DLGAP2: variants seen among roughly 807,000 people sequenced by gnomAD.
DLGAP2 encodes DLG associated protein 2.
Under a neutral mutation model 100.3 loss-of-function variants are expected in DLGAP2, and 26 were observed. The ratio of observed to expected loss-of-function variants is 0.26; its 90% CI spans 0.19 to 0.36. DLGAP2 has a LOEUF of 0.36. DLGAP2 is among the 10% of genes least tolerant of loss of function. The probability of loss-of-function intolerance (pLI) is 1.00; values close to 1 mark genes in which losing one functional copy is unlikely to be tolerated. For missense variants in DLGAP2, 1,858 were observed against 1,453.2 expected (o/e 1.28, Z -4.53); for synonymous variants, 886 against 630.1 (o/e 1.41, Z -6.08).
At chr8:1,496,432 C>A (rs1200173926) in intron 3 of DLGAP2, among the ~76,000 whole-genome samples, 2 of 152,128 alleles carry the variant, frequency 1.3e-5, no homozygotes, top group African/African-American at 4.8e-5. Flanking sequence ...GATGATGCAG[C>A]CACCTGGGCC....
intron 2 of DLGAP2, among the ~76,000 whole-genome samples, chr8:1,128,180 C>T (rs2129048664): frequency 6.6e-6 from 1 of 151,882 alleles, no homozygotes; most frequent in Middle Eastern, 3.4e-3. Context: ...TCCGTGAGGA[C>T]CTGCTCCCCG....
rs187240315 is a variant in DLGAP2 at position 1,407,375 on chromosome 8, T to C, written c.107-93991T>C. Among the ~76,000 whole-genome samples the C allele has an allele frequency of 1.9e-3, 160 of 85,064 alleles. 6 individuals carry two copies. Among genetic ancestry groups the C allele is most frequent in the African/African-American group, 3.3e-3 (66 of 19,750 alleles). The allele number at this position is 85,064 out of a possible 152,430, so 55.8% of individuals were successfully genotyped here. Reference sequence around the variant, plus strand: ...GAGAACTTACTGAGCGCTCCCTCCTTGTCCTCCGGAGTCCTGTATTGAGTG... The same window carrying C: ...GAGAACTTACTGAGCGCTCCCTCCTCGTCCTCCGGAGTCCTGTATTGAGTG... On this transcript the variant is annotated intron_variant, in intron 3 of 14. Transcript: ENST00000637795.
At chr8:1,171,613 A>T (rs1183742655) in intron 2 of DLGAP2, among the ~76,000 whole-genome samples, 2 of 152,114 alleles carry the variant, frequency 1.3e-5, no homozygotes, top group East Asian at 3.9e-4. Context: ...CTTCTTGTTG[A>T]ATTGATCCCT....
intron 3 of DLGAP2, among the ~76,000 whole-genome samples, chr8:1,423,224 A>T (rs1797147365): frequency 1.3e-5 from 2 of 152,126 alleles, no homozygotes; most frequent in Admixed American, 6.5e-5. Flanking sequence ...TTTAATGTAA[A>T]CACAGGTGTG....
At chr8:1,077,809 CT>C (rs2129038770) in intron 2 of DLGAP2, among the ~76,000 whole-genome samples, 1 of 152,330 alleles carries the variant, frequency 6.6e-6, no homozygotes, top group South Asian at 2.1e-4. Context: ...CAAGAAGATG[CT>C]AGCTTCCTGT....
intron 12 of DLGAP2, among the ~76,000 whole-genome samples, chr8:1,687,223 G>A (rs1052717599): frequency 2.6e-5 from 4 of 152,142 alleles, no homozygotes; most frequent in South Asian, 2.1e-4. Context: ...TAGAACACCA[G>A]AATAGTGTGA....
chr8:1,663,759 T>A (rs913700597), intron 8 of DLGAP2, among the ~76,000 whole-genome samples: 4 of 152,126 alleles, frequency 2.6e-5, no homozygotes, highest in Non-Finnish European at 4.4e-5. Flanking sequence ...TCTCAAGATA[T>A]TAAATCACCA....
At chr8:958,695 A>G (rs1341586162) in intron 2 of DLGAP2, among the ~76,000 whole-genome samples, 1 of 152,076 alleles carries the variant, frequency 6.6e-6, no homozygotes. Context: ...TATTTAGGGC[A>G]TATTTCTGTA....
chr8:1,351,394 G>C (rs374200623), intron 3 of DLGAP2, among the ~76,000 whole-genome samples: 2 of 29,914 alleles, frequency 6.7e-5, no homozygotes, highest in African/African-American at 9.8e-5. Flanking sequence ...CGGGTCCTGA[G>C]TGTGTGTGGA....
chr8:1,074,456 T>C (rs959725178), intron 2 of DLGAP2, among the ~76,000 whole-genome samples: 45 of 152,314 alleles, frequency 3.0e-4, no homozygotes, highest in Middle Eastern at 6.8e-3. Flanking sequence ...CCAGCTAACA[T>C]CAGAATACAG....
intron 6 of DLGAP2, among the ~76,000 whole-genome samples, chr8:1,624,821 C>G (rs1317091155): frequency 6.6e-6 from 1 of 151,700 alleles, no homozygotes; most frequent in Non-Finnish European, 1.5e-5. Context: ...AGAATCAGCT[C>G]AAAACTAATT....
At chr8:946,318 C>G (rs868452831) in intron 2 of DLGAP2, among the ~76,000 whole-genome samples, 41 of 150,110 alleles carry the variant, frequency 2.7e-4, no homozygotes, top group African/African-American at 1.0e-3. Flanking sequence ...GGCTGGAGTG[C>G]AGTGGTGCGA....
At chr8:946,468 T>TGC (rs1799326973) in intron 2 of DLGAP2, among the ~76,000 whole-genome samples, 1 of 151,816 alleles carries the variant, frequency 6.6e-6, no homozygotes, top group South Asian at 2.1e-4. Context: ...TTTCACCATA[T>TGC]TAGCCAGGAT....
chr8:1,200,677 C>T (rs1358217495), intron 2 of DLGAP2, among the ~76,000 whole-genome samples: 1 of 151,712 alleles, frequency 6.6e-6, no homozygotes, highest in African/African-American at 2.4e-5. Flanking sequence ...GGGGAGCGCA[C>T]AGCCCTTGAC....
At chr8:988,471 G>A (rs1800550886) in intron 2 of DLGAP2, among the ~76,000 whole-genome samples, 1 of 152,192 alleles carries the variant, frequency 6.6e-6, no homozygotes, top group African/African-American at 2.4e-5. Context: ...GGACAGGGAT[G>A]TGGCGTCTTC....
chr8:1,317,894 C>T (rs541769122), intron 3 of DLGAP2, among the ~76,000 whole-genome samples: 1 of 135,820 alleles, frequency 7.4e-6, no homozygotes, highest in African/African-American at 2.9e-5. Context: ...AGTGCAGCGT[C>T]TCTCCAACAG....
chr8:1,341,858 C>T (rs1256760974), intron 3 of DLGAP2, among the ~76,000 whole-genome samples: 1 of 152,216 alleles, frequency 6.6e-6, no homozygotes, highest in East Asian at 1.9e-4. Context: ...CTTATGGGAG[C>T]TGAAATCAGT....
intron 3 of DLGAP2, among the ~76,000 whole-genome samples, chr8:1,467,464 A>T (rs1028616143): frequency 6.7e-6 from 1 of 149,032 alleles, no homozygotes; most frequent in African/African-American, 2.5e-5. Context: ...AGGCCCCCTC[A>T]CTAGACCCGT....
intron 3 of DLGAP2, among the ~76,000 whole-genome samples, chr8:1,440,605 T>G (rs1797802079): frequency 6.6e-6 from 1 of 152,198 alleles, no homozygotes; most frequent in African/African-American, 2.4e-5. Flanking sequence ...GGCAGAAATT[T>G]TAGAAGACTC....
Sources: allele counts gnomAD v4.1 joint callset (sites outside exome capture counted in the v4.1 genomes callset), GRCh38; gene constraint gnomAD v4.1.1; transcripts MANE v1.5; gene names NCBI Gene and HGNC (gene_info 2026-07-23, HGNC 2026-07-21).